Variants in CLK1 observed in about 807,000 individuals in gnomAD.
The protein encoded by CLK1 is dual specificity protein kinase CLK1.
CLK1 carries 40 observed loss-of-function variants against 60.9 expected under a neutral mutation model. The ratio of observed to expected loss-of-function variants is 0.66; its 90% CI spans 0.51 to 0.86. CLK1 has a LOEUF of 0.86. Among genes scored for constraint, CLK1 ranks in the 40% least tolerant of loss-of-function variants. The pLI is 0.00. For missense variants in CLK1, 563 were observed against 606.1 expected (o/e 0.93, Z 0.75); for synonymous variants, 203 against 184.4 (o/e 1.10, Z -0.82).
intron 5 of CLK1, among the ~76,000 whole-genome samples, chr2:200,858,617 A>G (rs1242651078): frequency 3.9e-5 from 6 of 152,140 alleles, no homozygotes; most frequent in Non-Finnish European, 8.8e-5. Context: ...GAATTACTTG[A>G]ACTCGGAAGG....
At chr2:200,859,626 C>T in intron 5 of CLK1, 54 bp downstream of exon 5, 1 of 1,429,350 alleles carries the variant, frequency 7.0e-7, no homozygotes, top group Non-Finnish European at 9.8e-7. Flanking sequence ...AAAGCTAAAT[C>T]AATTACCTGT....
rs2038970841 is a variant in CLK1, at chr2:200,853,041, A to G, written c.*265T>C. On this transcript the variant is annotated 3_prime_UTR_variant, in exon 13 of 13. Coordinates refer to ENST00000321356, the MANE Select transcript of CLK1 (RefSeq NM_004071.4). Reference sequence around the variant, plus strand: ...CCATTCTTTAATAGAAGTAGGAAGAAAAATGGTACTTAGAACAAACTGTTC... The same window carrying G: ...CCATTCTTTAATAGAAGTAGGAAGAGAAATGGTACTTAGAACAAACTGTTC... The G allele has an allele frequency of 3.8e-6, 1 of 263,578 alleles. No individual in the cohort carries two copies. Among genetic ancestry groups the G allele is most frequent in the Admixed American group, 5.3e-5 (1 of 18,756 alleles). 16.3% of individuals were successfully genotyped at this position (263,578 alleles called of 1,614,324 possible).
rs760324181 is a variant in CLK1 at position 200,853,270 on chromosome 2, G to A, written c.*36C>T. The A allele has an allele frequency of 2.0e-6, 3 of 1,530,582 alleles. No homozygotes were observed. The highest frequency in any genetic ancestry group is 1.2e-5 in the South Asian group (1 of 82,744). The allele number at this position is 1,530,582 out of a possible 1,614,324, so 94.8% of individuals were successfully genotyped here. A position where few individuals can be genotyped will look rare whatever the true frequency, so the allele number is the denominator to read the frequency against. On this transcript the variant is annotated 3_prime_UTR_variant, in exon 13 of 13. Coordinates refer to ENST00000321356, the MANE Select transcript of CLK1 (RefSeq NM_004071.4). ...TTTAAAAATTAGACTGATACAGTCTGTAAGATCTCTTCGAGAGAGCTGTCC... is the reference window on the plus strand; with the variant it reads ...TTTAAAAATTAGACTGATACAGTCTATAAGATCTCTTCGAGAGAGCTGTCC...
At chr2:200,854,741 C>A (rs2039011503) in intron 10 of CLK1, 46 bp from the exon 11 acceptor site, 2 of 1,350,812 alleles carry the variant, frequency 1.5e-6, no homozygotes, top group Non-Finnish European at 2.1e-6. Context: ...ACCACCAAAA[C>A]AGACACAGTT....
At chr2:200,861,070 T>G in intron 3 of CLK1, 168 bp downstream of exon 3, 1 of 1,420,890 alleles carries the variant, frequency 7.0e-7, no homozygotes, top group Non-Finnish European at 9.1e-7. Flanking sequence ...AATGTGTACT[T>G]TATTTCCGGA....
rs952079952 is a variant in CLK1 at position 200,860,537 on chromosome 2, T to C, written c.391-322A>G. 2.2e-5 allele frequency: 23 copies of C among 1,059,716 alleles called. No individual in the cohort carries two copies. In the African/African-American group the frequency reaches 3.7e-4, roughly 17 times the overall value. 65.6% of individuals were successfully genotyped at this position (1,059,716 alleles called of 1,614,324 possible). On this transcript the variant is annotated intron_variant, in intron 3 of 12. Coordinates refer to ENST00000321356, the MANE Select transcript of CLK1 (RefSeq NM_004071.4). ...AGTTGTAGCATTCACTGAAACATAA[T>C]TTTTTAGTTTCTAGTGTTCTAATTT...
chr2:200,854,514 C>A (rs575864434), intron 11 of CLK1, 102 bp downstream of exon 11: 24 of 698,690 alleles, frequency 3.4e-5, no homozygotes, highest in African/African-American at 3.3e-4. Context: ...CCAGCCTGGG[C>A]AACAGAGCAA....
chr2:200,853,264 C>T lies in CLK1; in HGVS notation c.*42G>A. ...TTAAAATTTAAAAATTAGACTGATACAGTCTGTAAGATCTCTTCGAGAGAG... is the reference window on the plus strand; with the variant it reads ...TTAAAATTTAAAAATTAGACTGATATAGTCTGTAAGATCTCTTCGAGAGAG... On this transcript the variant is annotated 3_prime_UTR_variant, in exon 13 of 13. Transcript: ENST00000321356. 1.4e-6 allele frequency: 2 copies of T among 1,469,448 alleles called. No individual in the cohort carries two copies. Among genetic ancestry groups the T allele is most frequent in the East Asian group, 2.3e-5 (1 of 42,656 alleles). 91.0% of individuals were successfully genotyped at this position (1,469,448 alleles called of 1,614,324 possible). A position where few individuals can be genotyped will look rare whatever the true frequency, so the allele number is the denominator to read the frequency against.
rs747003790 is a variant in CLK1, at chr2:200,859,697, C to T, written c.531G>A (p.Glu177=). ...AAACTTACGCTTTATGATCGATGCA[C>T]TCCACAACTTTTCCAAAAGCTCCTT... ...LGEGAFGKVV[E]CIDHKAGGRH... The change falls in exon 5 of 13, where the codon GAG becomes GAA. Residue 177 remains glutamate (E), a synonymous_variant. Transcript: ENST00000321356. The T allele has an allele frequency of 3.1e-6, 5 of 1,613,520 alleles. No individual in the cohort carries two copies. Among genetic ancestry groups the T allele is most frequent in the South Asian group, 1.1e-5 (1 of 90,998 alleles).
At chr2:200,856,419 C>T (rs2105736121) in intron 9 of CLK1, among the ~76,000 whole-genome samples, 1 of 152,220 alleles carries the variant, frequency 6.6e-6, no homozygotes, top group East Asian at 1.9e-4. Flanking sequence ...CCGCGCCCCA[C>T]CTGGCATTAA....
chr2:200,857,293 G>A (rs538073197), intron 7 of CLK1: 53 of 300,166 alleles, frequency 1.8e-4, no homozygotes, highest in Non-Finnish European at 2.5e-4. Flanking sequence ...ACAACAAAGC[G>A]AGACTCCATT....
rs747174556 is a variant in CLK1 at position 200,860,154 on chromosome 2, C to A, written c.452G>T (p.Cys151Phe). ...TGCACTTAGTACGTCTCCACTCTGA[C>A]AGATCAGGTGACCCTCCTCATCATC... ...VEDDEEGHLICQSGDVLSARY... is the reference protein window; with the variant it reads ...VEDDEEGHLIFQSGDVLSARY... The change falls in exon 4 of 13, where the codon TGT (cysteine) becomes TTT (phenylalanine). Residue 151 changes from cysteine to phenylalanine, a missense_variant. Coordinates refer to ENST00000321356, the MANE Select transcript of CLK1 (RefSeq NM_004071.4). 39 of 1,613,986 alleles carry A rather than the reference C, an allele frequency of 2.4e-5. No homozygotes were observed. The highest frequency in any genetic ancestry group is 3.2e-5 in the Non-Finnish European group (38 of 1,180,030).
Position 200,853,091 on chromosome 2 carries a change from C to G in CLK1, c.*215G>C. 2.6e-6 allele frequency: 1 copy of G among 391,244 alleles called. No homozygotes were observed. Among genetic ancestry groups the G allele is most frequent in the Non-Finnish European group, 4.5e-6 (1 of 221,770 alleles). 24.2% of individuals were successfully genotyped at this position (391,244 alleles called of 1,614,324 possible). A position where few individuals can be genotyped will look rare whatever the true frequency, so the allele number is the denominator to read the frequency against. ...CAGATACATATCAACTTCATAAGCA[C>G]AAAAAATTTATTCTGAATAAATCAC... On this transcript the variant is annotated 3_prime_UTR_variant, in exon 13 of 13. Coordinates refer to ENST00000321356, the MANE Select transcript of CLK1 (RefSeq NM_004071.4).
At chr2:200,864,387 G>T in intron 1 of CLK1, 177 bp downstream of exon 1, 1 of 998,462 alleles carries the variant, frequency 1.0e-6, no homozygotes, top group Non-Finnish European at 1.4e-6. Flanking sequence ...CGACAGGCTC[G>T]GCCGCGCAGG....
intron 3 of CLK1, 188 bp from the exon 4 acceptor site, chr2:200,860,403 T>C (rs2039118126): frequency 2.6e-5 from 35 of 1,321,524 alleles, no homozygotes; most frequent in South Asian, 4.7e-5. Flanking sequence ...ACATAGTTTA[T>C]GTTAACAGGA....
rs1353225183 is a variant in CLK1 at position 200,864,570 on chromosome 2, G to A, written c.-7C>T. 1.5e-5 allele frequency: 4 copies of A among 259,402 alleles called. No individual in the cohort carries two copies. The South Asian group carries it at 2.5e-4, about 16-fold the overall frequency. 16.1% of individuals were successfully genotyped at this position (259,402 alleles called of 1,614,324 possible). On this transcript the variant is annotated 5_prime_UTR_variant, in exon 1 of 13. Coordinates refer to ENST00000321356, the MANE Select transcript of CLK1 (RefSeq NM_004071.4). ...GCTCCCTCCTGCGTCTTACCGTCCT[G>A]GACAAAGACTCCAAGTCGAAGGAGA...
rs527369926 is a variant in CLK1, at chr2:200,856,615, A to C, written c.1057+67T>G. ...TAAAGCCCCACAAGTAAGACCTAAA[A>C]CTGCTAAAAAAATTTTAAGTCTCAA... is the stretch of plus-strand genomic sequence containing the variant. On this transcript the variant is annotated intron_variant, in intron 9 of 12. Coordinates refer to ENST00000321356, the MANE Select transcript of CLK1 (RefSeq NM_004071.4). The C allele has an allele frequency of 2.1e-6, 3 of 1,420,080 alleles. No homozygotes were observed. In the African/African-American group the frequency reaches 4.3e-5, roughly 20 times the overall value. The allele number at this position is 1,420,080 out of a possible 1,614,324, so 88.0% of individuals were successfully genotyped here. A position where few individuals can be genotyped will look rare whatever the true frequency, so the allele number is the denominator to read the frequency against.
rs184804713 is a variant in CLK1 at position 200,853,989 on chromosome 2, G to A, written c.1225C>T (p.Arg409Cys). 8.1e-6 allele frequency: 13 copies of A among 1,605,894 alleles called. No individual in the cohort carries two copies. The Admixed American group carries it at 8.5e-5, about 10-fold the overall frequency. ...AATCGATCGTGGTGAAAATATTTAC[G>A]TTTCCTAAAAATAAGTCAATATCCA... The part of the protein sequence containing the change: ...PKHMIQKTRK[R>C]KYFHHDRLDW... The change falls in exon 12 of 13, where the codon CGT becomes TGT. Residue 409 changes from arginine (R) to cysteine (C), a missense_variant. Physicochemically the swap from Arg to Cys is radical, Grantham distance 180 (BLOSUM62 -3). Coordinates refer to ENST00000321356, the MANE Select transcript of CLK1 (RefSeq NM_004071.4).
chr2:200,859,819 A>T (rs1342891908), intron 4 of CLK1, 73 bp from the exon 5 acceptor site: 1 of 1,588,080 alleles, frequency 6.3e-7, no homozygotes, highest in Admixed American at 1.8e-5. Context: ...AATGCTATCA[A>T]TGTAGATTAT....
Sources: allele counts gnomAD v4.1 joint callset (sites outside exome capture counted in the v4.1 genomes callset), GRCh38; gene constraint gnomAD v4.1.1; transcripts MANE v1.5; gene names NCBI Gene and HGNC (gene_info 2026-07-23, HGNC 2026-07-21).